The following SIK2 variants were observed in gnomAD, a reference collection of about 807,000 sequenced individuals.
SIK2 encodes serine/threonine-protein kinase SIK2.
SIK2 carries 29 observed loss-of-function variants against 103.2 expected under a neutral mutation model. The ratio of observed to expected loss-of-function variants is 0.28; its 90% CI spans 0.21 to 0.38. The LOEUF (loss-of-function observed/expected upper bound fraction) is 0.38, where lower values mean the gene tolerates loss of function less well. Among genes scored for constraint, SIK2 ranks in the 10% least tolerant of loss-of-function variants. The probability of loss-of-function intolerance (pLI) is 1.00; values close to 1 mark genes in which losing one functional copy is unlikely to be tolerated. For missense variants in SIK2, 879 were observed against 1,171.0 expected, an observed-to-expected ratio of 0.75 and a Z score of 3.64; for synonymous variants, 412 against 446.1, an observed-to-expected ratio of 0.92 and a Z score of 0.96.
intron 3 of SIK2, among the ~76,000 whole-genome samples, chr11:111,645,829 A>G (rs1335403331): frequency 1.3e-5 from 2 of 151,828 alleles, no homozygotes; most frequent in African/African-American, 4.8e-5. Flanking sequence ...ACAAAGAAGC[A>G]ACTACCATAA....
intron 8 of SIK2, among the ~76,000 whole-genome samples, chr11:111,709,111 G>C (rs893623946): frequency 6.6e-6 from 1 of 152,192 alleles, no homozygotes; most frequent in Non-Finnish European, 1.5e-5. Context: ...CTCACAGTTC[G>C]GGAGGCCGGA....
intron 8 of SIK2, among the ~76,000 whole-genome samples, chr11:111,707,201 C>T (rs1169941325): frequency 6.6e-6 from 1 of 152,186 alleles, no homozygotes; most frequent in Non-Finnish European, 1.5e-5. Flanking sequence ...CCCCCAGGGC[C>T]AGCAGGCTTT....
intron 4 of SIK2, among the ~76,000 whole-genome samples, chr11:111,693,247 T>C (rs1942992253): frequency 6.6e-6 from 1 of 151,464 alleles, no homozygotes; most frequent in African/African-American, 2.4e-5. Context: ...CAGGAGAGAA[T>C]CGCTTGAACC....
chr11:111,716,686 G>GACAT (rs1223153058), intron 9 of SIK2, among the ~76,000 whole-genome samples: 1 of 152,190 alleles, frequency 6.6e-6, no homozygotes, highest in African/African-American at 2.4e-5. Context: ...TGTAATAAAA[G>GACAT]ACATAATTCC....
chr11:111,668,603 A>G (rs4630327), intron 3 of SIK2, among the ~76,000 whole-genome samples: 93,208 of 152,032 alleles, frequency 0.61, 31,500 homozygotes, highest in East Asian at 0.96. Flanking sequence ...TCAGTTTCCG[A>G]TCATATGGGA....
chr11:111,647,438 A>G (rs1229943701), intron 3 of SIK2, among the ~76,000 whole-genome samples: 1 of 152,038 alleles, frequency 6.6e-6, no homozygotes, highest in Non-Finnish European at 1.5e-5. Context: ...ACTGGGCAAC[A>G]TGGCGAAATC....
chr11:111,652,401 C>T (rs1310676070), intron 3 of SIK2, among the ~76,000 whole-genome samples: 1 of 152,060 alleles, frequency 6.6e-6, no homozygotes, highest in African/African-American at 2.4e-5. Context: ...AATCTAGTCT[C>T]CCAGTTTGCA....
intron 3 of SIK2, among the ~76,000 whole-genome samples, chr11:111,677,563 G>A (rs368028323): frequency 2.0e-5 from 3 of 149,062 alleles, no homozygotes; most frequent in Non-Finnish European, 4.4e-5. Flanking sequence ...GATTACAGGC[G>A]TGTGCCACAA....
intron 3 of SIK2, among the ~76,000 whole-genome samples, chr11:111,655,262 C>A (rs1453136244): frequency 6.6e-6 from 1 of 152,072 alleles, no homozygotes; most frequent in East Asian, 1.9e-4. Flanking sequence ...ATTAGCCGGG[C>A]ATGGTGCTGC....
intron 3 of SIK2, among the ~76,000 whole-genome samples, chr11:111,634,097 TA>T (rs1942074161): frequency 6.6e-6 from 1 of 152,218 alleles, no homozygotes; most frequent in Non-Finnish European, 1.5e-5. Context: ...TCTGGCCTGG[TA>T]ATTAAATTAC....
chr11:111,617,497 T>G (rs1480948272), intron 2 of SIK2, among the ~76,000 whole-genome samples: 1 of 152,206 alleles, frequency 6.6e-6, no homozygotes, highest in African/African-American at 2.4e-5. Flanking sequence ...GAGCTGGTTG[T>G]TAAACTTTCA....
intron 3 of SIK2, among the ~76,000 whole-genome samples, chr11:111,683,707 CT>C (rs1942807809): frequency 6.6e-6 from 1 of 152,192 alleles, no homozygotes; most frequent in African/African-American, 2.4e-5. Context: ...CCGCCTCAGC[CT>C]CCCAAAGTGC....
intron 1 of SIK2, among the ~76,000 whole-genome samples, chr11:111,608,404 A>G (rs1397151350): frequency 6.6e-6 from 1 of 152,232 alleles, no homozygotes; most frequent in African/African-American, 2.4e-5. Flanking sequence ...ATAGAAGTCA[A>G]TGCATCTTCA....
chr11:111,642,417 A>G (rs1942194842), intron 3 of SIK2, among the ~76,000 whole-genome samples: 1 of 152,120 alleles, frequency 6.6e-6, no homozygotes, highest in African/African-American at 2.4e-5. Flanking sequence ...ACCTAGGAAA[A>G]CAGTTTACTT....
rs763750371 is a variant in SIK2, at chr11:111,720,454, T to C, written c.1496-24T>C. ...AAGGAGATGCTATTGCTGTTGGTTTTATCTGTTCTGTTTTCTCTTAAAGGG... is the reference window on the plus strand; with the variant it reads ...AAGGAGATGCTATTGCTGTTGGTTTCATCTGTTCTGTTTTCTCTTAAAGGG... On this transcript the variant is annotated intron_variant, in intron 10 of 14. Transcript: ENST00000304987. 3.8e-6 allele frequency: 6 copies of C among 1,572,366 alleles called. No individual in the cohort carries two copies. In the South Asian group the frequency reaches 6.1e-5, roughly 16 times the overall value.
chr11:111,679,395 T>C (rs1185044395), intron 3 of SIK2, among the ~76,000 whole-genome samples: 1 of 152,236 alleles, frequency 6.6e-6, no homozygotes, highest in African/African-American at 2.4e-5. Flanking sequence ...AACAGCCTAA[T>C]GTAGGGAAAT....
At chr11:111,678,418 G>A (rs991365574) in intron 3 of SIK2, among the ~76,000 whole-genome samples, 21 of 152,270 alleles carry the variant, frequency 1.4e-4, no homozygotes, top group African/African-American at 5.1e-4. Flanking sequence ...AACTCAAGTA[G>A]TGTAACTTTC....
intron 1 of SIK2, among the ~76,000 whole-genome samples, chr11:111,604,864 G>A (rs1248136398): frequency 1.3e-5 from 2 of 152,126 alleles, no homozygotes; most frequent in Non-Finnish European, 2.9e-5. Flanking sequence ...GGGTGTGATT[G>A]GAGATATTAA....
At chr11:111,679,447 C>A (rs995713587) in intron 3 of SIK2, among the ~76,000 whole-genome samples, 1 of 152,156 alleles carries the variant, frequency 6.6e-6, no homozygotes, top group Non-Finnish European at 1.5e-5. Flanking sequence ...ACACAAGCAA[C>A]AATTTCCTTA....
Sources: allele counts gnomAD v4.1 joint callset (sites outside exome capture counted in the v4.1 genomes callset), GRCh38; gene constraint gnomAD v4.1.1; transcripts MANE v1.5; gene names NCBI Gene and HGNC (gene_info 2026-07-23, HGNC 2026-07-21).